The following PEX14 variants were observed in gnomAD, a reference collection of about 807,000 sequenced individuals.
PEX14 encodes the protein peroxisomal membrane protein PEX14.
PEX14 carries 15 observed loss-of-function variants against 49.5 expected under a neutral mutation model. The observed-to-expected ratio is 0.30, with a 90% confidence interval of 0.20 to 0.47. The LOEUF (loss-of-function observed/expected upper bound fraction) is 0.47. PEX14 is among the 20% of genes least tolerant of loss of function. PEX14 has a pLI of 1.00. For synonymous variants in PEX14, 210 were observed against 212.7 expected, an observed-to-expected ratio of 0.99 and a Z score of 0.11; for missense variants, 398 against 494.8, an observed-to-expected ratio of 0.80 and a Z score of 1.86.
chr1:10,604,460 A>T (rs995179964), intron 4 of PEX14, among the ~76,000 whole-genome samples: 1 of 152,074 alleles, frequency 6.6e-6, no homozygotes, highest in African/African-American at 2.4e-5. Context: ...TCTGTAAAAA[A>T]ATTTAAAAAA....
At chr1:10,568,975 AGTG>A (rs1158834858) in intron 3 of PEX14, among the ~76,000 whole-genome samples, 14 of 152,074 alleles carry the variant, frequency 9.2e-5, no homozygotes, top group Admixed American at 2.0e-4. Context: ...CCTGACCTCA[AGTG>A]ATCTGCCCAC....
At chr1:10,574,277 A>G (rs1640061640) in intron 3 of PEX14, among the ~76,000 whole-genome samples, 1 of 152,264 alleles carries the variant, frequency 6.6e-6, no homozygotes, top group Non-Finnish European at 1.5e-5. Context: ...GAAGCCAGAT[A>G]TAAAAGAATA....
At chr1:10,602,354 T>C (rs750136168) in intron 4 of PEX14, among the ~76,000 whole-genome samples, 10 of 151,846 alleles carry the variant, frequency 6.6e-5, no homozygotes, top group Non-Finnish European at 1.3e-4. Context: ...GTTACATTGC[T>C]CCTCTCACTC....
At chr1:10,568,843 G>C (rs1267769783) in intron 3 of PEX14, among the ~76,000 whole-genome samples, 1 of 152,128 alleles carries the variant, frequency 6.6e-6, no homozygotes, top group Non-Finnish European at 1.5e-5. Flanking sequence ...GGGTTCAAGT[G>C]ATTCTCATAC....
intron 3 of PEX14, among the ~76,000 whole-genome samples, chr1:10,583,110 A>G (rs1283455393): frequency 1.3e-5 from 2 of 152,106 alleles, no homozygotes; most frequent in African/African-American, 4.8e-5. Flanking sequence ...CAAAGAGGGA[A>G]TCAAGAAGGT....
chr1:10,568,206 T>G (rs959209490), intron 3 of PEX14, among the ~76,000 whole-genome samples: 2 of 152,140 alleles, frequency 1.3e-5, no homozygotes, highest in Non-Finnish European at 2.9e-5. Context: ...TAAATAAAAC[T>G]GATGATTGTG....
At chr1:10,513,531 G>C (rs1479345365) in intron 2 of PEX14, among the ~76,000 whole-genome samples, 1 of 152,198 alleles carries the variant, frequency 6.6e-6, no homozygotes, top group African/African-American at 2.4e-5. Flanking sequence ...ATTACTCCTA[G>C]GGCCTGGGAG....
At chr1:10,552,855 C>G (rs562540582) in intron 3 of PEX14, among the ~76,000 whole-genome samples, 1 of 152,228 alleles carries the variant, frequency 6.6e-6, no homozygotes, top group Admixed American at 6.5e-5. Flanking sequence ...TCCCCTTTAT[C>G]CGAGCCCTGC....
Position 10,512,456 on chromosome 1 carries a change from T to C in PEX14, c.84+17135T>C, listed in dbSNP as rs775232333. ...TGGCAGACAGATTGTGGAATTTTAATGAAGGTGGGGTGGATCCCTGATGTT... is the reference window on the plus strand; with the variant it reads ...TGGCAGACAGATTGTGGAATTTTAACGAAGGTGGGGTGGATCCCTGATGTT... On this transcript the variant is annotated intron_variant, in intron 2 of 8. Transcript: ENST00000356607. This position sits in a 1 kb window ranked among gnomAD's most constrained non-coding sequence, Gnocchi z 4.6. Among the ~76,000 whole-genome samples, 10 of 152,146 alleles carry C rather than the reference T, an allele frequency of 6.6e-5. No homozygotes were observed. The highest frequency in any genetic ancestry group is 1.5e-4 in the Non-Finnish European group (10 of 68,016).
At chr1:10,540,557 C>G (rs1294063773) in intron 3 of PEX14, among the ~76,000 whole-genome samples, 1 of 151,786 alleles carries the variant, frequency 6.6e-6, no homozygotes, top group East Asian at 1.9e-4. Context: ...CTTGTGCCCC[C>G]AGGATGAAAA....
intron 4 of PEX14, among the ~76,000 whole-genome samples, chr1:10,604,470 A>C (rs1208830625): frequency 6.6e-6 from 1 of 152,068 alleles, no homozygotes; most frequent in Non-Finnish European, 1.5e-5. Flanking sequence ...AATTTAAAAA[A>C]CAAAACTAGC....
chr1:10,525,424 A>G (rs1226216986), intron 2 of PEX14, among the ~76,000 whole-genome samples: 1 of 152,164 alleles, frequency 6.6e-6, no homozygotes, highest in Admixed American at 6.5e-5. Context: ...GAAGTCGTCT[A>G]CAAGGGTGTG....
At chr1:10,604,495 C>A (rs78344309) in intron 4 of PEX14, among the ~76,000 whole-genome samples, 1 of 152,020 alleles carries the variant, frequency 6.6e-6, no homozygotes, top group East Asian at 1.9e-4. Flanking sequence ...CATGGTGGTG[C>A]GTGTACTTGG....
chr1:10,584,104 G>A (rs947454996), intron 3 of PEX14, among the ~76,000 whole-genome samples: 7 of 152,226 alleles, frequency 4.6e-5, no homozygotes, highest in Non-Finnish European at 1.0e-4. Flanking sequence ...GATGTGATCA[G>A]ATTCCCTGGA....
At chr1:10,558,823 G>T (rs1426172667) in intron 3 of PEX14, among the ~76,000 whole-genome samples, 1 of 151,972 alleles carries the variant, frequency 6.6e-6, no homozygotes, top group Non-Finnish European at 1.5e-5. Context: ...ATCCACGGAT[G>T]TGGGGTATCT....
chr1:10,501,371 C>T (rs1194702705), intron 2 of PEX14, among the ~76,000 whole-genome samples: 1 of 152,156 alleles, frequency 6.6e-6, no homozygotes, highest in Non-Finnish European at 1.5e-5. Context: ...GTGGCACGAT[C>T]TCGGCTCACT....
At chr1:10,560,718 C>CTTTT (rs34964492) in intron 3 of PEX14, among the ~76,000 whole-genome samples, 16,792 of 128,132 alleles carry the variant, frequency 0.13, 1,505 homozygotes, top group South Asian at 0.27. Context: ...ATTTTGCCAC[C>CTTTT]TTTTTTTTTT....
chr1:10,561,699 A>G (rs1211909716), intron 3 of PEX14, among the ~76,000 whole-genome samples: 2 of 152,216 alleles, frequency 1.3e-5, no homozygotes, highest in Non-Finnish European at 2.9e-5. Flanking sequence ...TGGTTACTCA[A>G]CAGCCTTTCA....
chr1:10,531,928 A>T (rs1347448718), intron 2 of PEX14, among the ~76,000 whole-genome samples: 1 of 152,208 alleles, frequency 6.6e-6, no homozygotes, highest in African/African-American at 2.4e-5. Flanking sequence ...GGTCTTTTGT[A>T]GGAGAGTGGA....
Sources: allele counts gnomAD v4.1 joint callset (sites outside exome capture counted in the v4.1 genomes callset), GRCh38; gene constraint gnomAD v4.1.1; non-coding constraint Gnocchi (gnomAD v3.1); transcripts MANE v1.5; gene names NCBI Gene and HGNC (gene_info 2026-07-23, HGNC 2026-07-21).